The following FER1L6 variants were observed in gnomAD, a reference collection of about 807,000 sequenced individuals.
FER1L6 encodes the protein fer-1-like protein 6.
A neutral mutation model predicts 219.2 loss-of-function variants in FER1L6; 177 were observed. The ratio of observed to expected loss-of-function variants is 0.81; its 90% CI spans 0.71 to 0.91. The LOEUF (loss-of-function observed/expected upper bound fraction) is 0.91, where lower values mean the gene tolerates loss of function less well. Ranked by LOEUF, FER1L6 falls within the 40% of genes least tolerant of loss-of-function variation. The pLI is 0.00. For synonymous variants in FER1L6, 768 were observed against 824.3 expected (o/e 0.93, Z 1.17); for missense variants, 2,153 against 2,259.9 (o/e 0.95, Z 0.96).
chr8:123,975,823 C>A, intron 8 of FER1L6, 75 bp from the exon 9 acceptor site: 1 of 1,231,628 alleles, frequency 8.1e-7, no homozygotes, highest in Non-Finnish European at 1.1e-6. Flanking sequence ...CTTTCTGCCT[C>A]CAAATTGCTC....
intron 35 of FER1L6, among the ~76,000 whole-genome samples, chr8:124,097,049 T>C (rs1337670261): frequency 6.8e-6 from 1 of 146,610 alleles, no homozygotes; most frequent in African/African-American, 2.5e-5. Flanking sequence ...CACCTACTCT[T>C]AATTTATGCT....
intron 1 of FER1L6, among the ~76,000 whole-genome samples, chr8:123,899,700 A>G (rs933409483): frequency 6.6e-6 from 1 of 152,192 alleles, no homozygotes; most frequent in African/African-American, 2.4e-5. Context: ...ATGAGGATCC[A>G]GTTTTATTTT....
chr8:123,926,012 G>A (rs1247452950), intron 1 of FER1L6: 2 of 152,214 alleles, frequency 1.3e-5, no homozygotes, highest in Non-Finnish European at 2.9e-5. Context: ...TTCTTATTGG[G>A]AGATGACAGA....
chr8:123,973,399 A>C (rs553384695), intron 6 of FER1L6, 35 bp from the exon 7 acceptor site: 2 of 1,546,884 alleles, frequency 1.3e-6, no homozygotes, highest in South Asian at 2.2e-5. Context: ...TCCTCAAGGT[A>C]AATCTGCCAT....
In FER1L6 at chr8:124,000,583, G is replaced by A. The variant is rs112127011; in HGVS notation, c.1520-2584G>A. On this transcript the variant is annotated intron_variant, in intron 12 of 40. Transcript: ENST00000522917. ...AGTTCACTTAATGTCTCTGAGTCTC[G>A]GTTTCTTCATCTGTGAAATGAATTC... is the stretch of plus-strand genomic sequence containing the variant. Among the ~76,000 whole-genome samples, 15 of 152,230 alleles carry A rather than the reference G, an allele frequency of 9.9e-5. 1 individual carries two copies. Among genetic ancestry groups the A allele is most frequent in the African/African-American group, 3.4e-4 (14 of 41,534 alleles).
intron 13 of FER1L6, among the ~76,000 whole-genome samples, chr8:124,009,039 G>A (rs1048899273): frequency 2.6e-5 from 4 of 152,160 alleles, no homozygotes; most frequent in Admixed American, 1.3e-4. Context: ...AAAAATAGAT[G>A]TTGGCATGAA....
chr8:123,977,367 T>C, intron 9 of FER1L6, 50 bp from the exon 10 acceptor site: 1 of 1,538,920 alleles, frequency 6.5e-7, no homozygotes, highest in Non-Finnish European at 8.8e-7. Flanking sequence ...GAGTTTTCTG[T>C]AGTCAGTCAG....
At chr8:123,892,331 G>A (rs748170998) in intron 1 of FER1L6, among the ~76,000 whole-genome samples, 10 of 151,908 alleles carry the variant, frequency 6.6e-5, no homozygotes, top group South Asian at 2.1e-4. Context: ...TCGCACTGTC[G>A]CCCTGGCTGG....
At chr8:124,068,586 T>C (rs1434848472) in intron 28 of FER1L6, among the ~76,000 whole-genome samples, 2 of 152,380 alleles carry the variant, frequency 1.3e-5, no homozygotes, top group African/African-American at 4.8e-5. Flanking sequence ...GAGCCTCATA[T>C]TGAACTAGAT....
At chr8:124,032,237 C>T (rs1819000696) in intron 18 of FER1L6, among the ~76,000 whole-genome samples, 1 of 138,076 alleles carries the variant, frequency 7.2e-6, no homozygotes, top group South Asian at 2.4e-4. Context: ...CCAGCCTGGC[C>T]AACATGGTGA....
chr8:124,082,166 AC>A (rs1246544561), intron 32 of FER1L6, 121 bp from the exon 33 acceptor site: 3 of 683,572 alleles, frequency 4.4e-6, no homozygotes, highest in Non-Finnish European at 7.4e-6. Context: ...CTAAGTATTA[AC>A]TGAGTTGCTG....
chr8:124,104,087 G>A (rs1232330794), intron 39 of FER1L6, among the ~76,000 whole-genome samples: 1 of 152,170 alleles, frequency 6.6e-6, no homozygotes, highest in Non-Finnish European at 1.5e-5. Flanking sequence ...ACCTCACTGG[G>A]TAAATGGGAG....
Position 124,049,720 on chromosome 8 carries a change from T to A in FER1L6, c.2838T>A (p.Ser946=). Residue 946 remains serine, a synonymous_variant, in exon 22 of 41, where the codon TCT becomes TCA. Transcript: ENST00000522917. ...CYHPIFCGNL[S]GGDLLAVFEL... is the part of the protein sequence containing the mutation. The stretch of plus-strand genomic sequence containing the variant: ...ACCCCATCTTTTGTGGGAATCTCTC[T>A]GGAGGGGATCTCCTTGCTGTATTTG... 6.2e-7 allele frequency: 1 copy of A among 1,614,120 alleles called. No individual in the cohort carries two copies. The highest frequency in any genetic ancestry group is 8.5e-7 in the Non-Finnish European group (1 of 1,179,994).
chr8:123,905,699 G>A (rs568202082), intron 1 of FER1L6, among the ~76,000 whole-genome samples: 12 of 152,188 alleles, frequency 7.9e-5, no homozygotes, highest in South Asian at 6.2e-4. Context: ...TAACTATTAC[G>A]TGTGATAATA....
At chr8:124,048,744 T>C (rs1431391901) in intron 21 of FER1L6, among the ~76,000 whole-genome samples, 2 of 152,172 alleles carry the variant, frequency 1.3e-5, no homozygotes, top group Non-Finnish European at 2.9e-5. Flanking sequence ...TTAAATCCTT[T>C]TTAGGTGTGA....
At chr8:124,010,895 C>CA (rs1817891284) in intron 14 of FER1L6, among the ~76,000 whole-genome samples, 181 bp downstream of exon 14, 1 of 152,184 alleles carries the variant, frequency 6.6e-6, no homozygotes, top group Non-Finnish European at 1.5e-5. Context: ...CCTCATTTTG[C>CA]AAAATCCCTG....
chr8:123,857,317 A>G (rs1816665114), intron 1 of FER1L6, among the ~76,000 whole-genome samples: 1 of 152,138 alleles, frequency 6.6e-6, no homozygotes, highest in African/African-American at 2.4e-5. Flanking sequence ...CAAGACCAGC[A>G]TGGGTGACAG....
chr8:123,914,682 C>T (rs548013296), intron 1 of FER1L6, among the ~76,000 whole-genome samples: 51 of 152,234 alleles, frequency 3.4e-4, no homozygotes, highest in African/African-American at 1.2e-3. Flanking sequence ...AGAAGCCATC[C>T]AAAGCCAAGT....
At chr8:124,045,952 G>T (rs759114350) in intron 21 of FER1L6, 51 bp downstream of exon 21, 28 of 1,597,782 alleles carry the variant, frequency 1.8e-5, no homozygotes, top group Non-Finnish European at 2.4e-5. Flanking sequence ...AAAATGCCAC[G>T]TTGAACTCAC....
Sources: allele counts gnomAD v4.1 joint callset (sites outside exome capture counted in the v4.1 genomes callset), GRCh38; gene constraint gnomAD v4.1.1; transcripts MANE v1.5; gene names NCBI Gene and HGNC (gene_info 2026-07-23, HGNC 2026-07-21).